Variants in MACROD2 observed in about 807,000 individuals in gnomAD.
MACROD2 encodes the protein mono-ADP ribosylhydrolase 2, also known as ADP-ribose glycohydrolase MACROD2.
MACROD2 carries 36 observed loss-of-function variants against 70.4 expected under a neutral mutation model. The observed-to-expected ratio is 0.51, with a 90% CI of 0.39 to 0.68. MACROD2 has a LOEUF of 0.68. Among genes scored for constraint, MACROD2 ranks in the 30% least tolerant of loss-of-function variants. MACROD2 has a pLI of 0.00. For missense variants in MACROD2, 496 were observed against 538.4 expected (o/e 0.92, Z 0.78); for synonymous variants, 172 against 178.8 (o/e 0.96, Z 0.30).
chr20:15,947,415 AC>A (rs1186154511), intron 12 of MACROD2, among the ~76,000 whole-genome samples: 1 of 139,472 alleles, frequency 7.2e-6, no homozygotes, highest in Admixed American at 7.4e-5. Context: ...AATGGCAATG[AC>A]TTTTACCAAG....
intron 5 of MACROD2, among the ~76,000 whole-genome samples, chr20:14,733,413 A>T (rs1296084259): frequency 6.6e-6 from 1 of 152,172 alleles, no homozygotes; most frequent in Non-Finnish European, 1.5e-5. Context: ...AGGTTTTTAA[A>T]TCACAGAATA....
At chr20:14,433,416 A>G (rs2084018224) in intron 3 of MACROD2, among the ~76,000 whole-genome samples, 1 of 152,194 alleles carries the variant, frequency 6.6e-6, no homozygotes, top group Admixed American at 6.5e-5. Flanking sequence ...ATTTTCTAGT[A>G]TGACCAATAA....
rs200894501 is a variant in MACROD2, at chr20:14,490,241, A to C, written c.272-3238A>C. 1.2e-4 allele frequency among the ~76,000 whole-genome samples: 19 copies of C among 152,296 alleles called. No individual in the cohort carries two copies. The East Asian group carries it at 3.7e-3, about 29-fold the overall frequency. On this transcript the variant is annotated intron_variant, in intron 3 of 17. Coordinates refer to ENST00000684519, the MANE Select transcript of MACROD2 (RefSeq NM_001351661.2). ...TCAAATGAAAGAAAAAATTCTTATAAACTTTAAAAATGTAACCACTTGTTT... is the reference window on the plus strand; with the variant it reads ...TCAAATGAAAGAAAAAATTCTTATACACTTTAAAAATGTAACCACTTGTTT...
chr20:14,697,780 G>A (rs2071144194), intron 5 of MACROD2, among the ~76,000 whole-genome samples: 1 of 152,124 alleles, frequency 6.6e-6, no homozygotes, highest in African/African-American at 2.4e-5. Context: ...TGTATGTTTG[G>A]GAACAGTGGA....
At chr20:15,080,898 G>C (rs544047926) in intron 5 of MACROD2, among the ~76,000 whole-genome samples, 3 of 151,374 alleles carry the variant, frequency 2.0e-5, no homozygotes, top group African/African-American at 7.3e-5. Flanking sequence ...CTTCTTTCTC[G>C]CCTTTTCTCC....
At chr20:15,978,324 A>G (rs1450509318) in intron 13 of MACROD2, among the ~76,000 whole-genome samples, 1 of 152,200 alleles carries the variant, frequency 6.6e-6, no homozygotes, top group African/African-American at 2.4e-5. Flanking sequence ...CACTACAGCA[A>G]GGTCGCCAGA....
At chr20:14,434,191 A>G (rs763885427) in intron 3 of MACROD2, among the ~76,000 whole-genome samples, 22 of 152,210 alleles carry the variant, frequency 1.4e-4, no homozygotes, top group Non-Finnish European at 2.8e-4. Context: ...CTATAATGCG[A>G]TTCTGTATCT....
In MACROD2 at chr20:14,572,446, A is replaced by G. The variant is rs943981152; in HGVS notation, c.301+78938A>G. ...TACTCCTAGGTGTATACTCAAGAAAAATATGTGAAATATTCAGCAGAAGAC... is the reference window on the plus strand; with the variant it reads ...TACTCCTAGGTGTATACTCAAGAAAGATATGTGAAATATTCAGCAGAAGAC... On this transcript the variant is annotated intron_variant, in intron 4 of 17. Coordinates refer to ENST00000684519, the MANE Select transcript of MACROD2 (RefSeq NM_001351661.2). Among the ~76,000 whole-genome samples, 5 of 152,212 alleles carry G rather than the reference A, an allele frequency of 3.3e-5. No individual in the cohort carries two copies. The East Asian group carries it at 9.6e-4, about 29-fold the overall frequency.
chr20:14,971,458 G>T (rs2074690575), intron 5 of MACROD2, among the ~76,000 whole-genome samples: 1 of 151,510 alleles, frequency 6.6e-6, no homozygotes, highest in Non-Finnish European at 1.5e-5. Flanking sequence ...GGAGGGGGGG[G>T]ACTCTGAATT....
intron 3 of MACROD2, chr20:14,324,202 G>A (rs1256211597): frequency 6.6e-6 from 1 of 152,366 alleles, no homozygotes; most frequent in Admixed American, 6.6e-5. Flanking sequence ...AAAATTTGTG[G>A]AGTTTTAAAA....
chr20:15,582,030 G>A (rs1309799743), intron 8 of MACROD2, among the ~76,000 whole-genome samples: 4 of 151,968 alleles, frequency 2.6e-5, no homozygotes, highest in African/African-American at 4.8e-5. Context: ...GCTGAGGCAC[G>A]AGAATCCCTT....
chr20:15,461,042 C>G (rs2046812278), intron 7 of MACROD2, among the ~76,000 whole-genome samples: 1 of 127,672 alleles, frequency 7.8e-6, no homozygotes, highest in Non-Finnish European at 1.6e-5. Flanking sequence ...CTGTGTTGCC[C>G]TGGCTGGATT....
chr20:15,196,966 G>A, intron 5 of MACROD2: 2 of 985,358 alleles, frequency 2.0e-6, no homozygotes, highest in Non-Finnish European at 2.4e-6. Context: ...TGGGCCTCAG[G>A]TATCCAAAGA....
intron 6 of MACROD2, among the ~76,000 whole-genome samples, chr20:15,359,582 A>T (rs975173448): frequency 5.9e-5 from 9 of 151,448 alleles, no homozygotes; most frequent in South Asian, 2.1e-4. Flanking sequence ...TGCTCTCAAG[A>T]CTTGGAAGAT....
intron 7 of MACROD2, among the ~76,000 whole-genome samples, chr20:15,475,726 A>G (rs1241463884): frequency 6.6e-6 from 1 of 152,188 alleles, no homozygotes; most frequent in Non-Finnish European, 1.5e-5. Context: ...CAAAGACAGG[A>G]ATGAGTCCTC....
At chr20:14,071,960 T>A (rs2053849748) in intron 2 of MACROD2, among the ~76,000 whole-genome samples, 1 of 152,168 alleles carries the variant, frequency 6.6e-6, no homozygotes, top group African/African-American at 2.4e-5. Context: ...CTAAACAGAA[T>A]TTCAGTGTAA....
intron 2 of MACROD2, among the ~76,000 whole-genome samples, chr20:14,029,564 G>T (rs2053221721): frequency 6.6e-6 from 1 of 152,024 alleles, no homozygotes; most frequent in Non-Finnish European, 1.5e-5. Flanking sequence ...TCAAAGTTGT[G>T]GGAATCTGAT....
rs1322919970 is a variant in MACROD2, at chr20:15,818,324, A to T, written c.646-44421A>T. 2.0e-5 allele frequency among the ~76,000 whole-genome samples: 3 copies of T among 152,316 alleles called. No homozygotes were observed. In the South Asian group the frequency reaches 6.2e-4, roughly 32 times the overall value. On this transcript the variant is annotated intron_variant, in intron 8 of 17. Coordinates refer to ENST00000684519, the MANE Select transcript of MACROD2 (RefSeq NM_001351661.2). ...TTGTATGCTAAACAAATTGTGAATT[A>T]TTCGTGAGTTTCCTGGGAAAAGGGT...
At chr20:14,481,591 A>G (rs1010003319) in intron 3 of MACROD2, among the ~76,000 whole-genome samples, 11 of 152,176 alleles carry the variant, frequency 7.2e-5, no homozygotes, top group Non-Finnish European at 1.0e-4. Context: ...TGTTAACTGG[A>G]TACATTGCTT....
Sources: gnomAD v4.1 joint callset for allele counts (sites outside exome capture counted in the v4.1 genomes callset) on GRCh38, gnomAD v4.1.1 for gene constraint, MANE v1.5 for transcripts, NCBI Gene and HGNC (gene_info 2026-07-23, HGNC 2026-07-21) for gene names.